The following FRMD3 variants were observed in gnomAD, a reference collection of about 807,000 sequenced individuals.
The protein encoded by FRMD3 is FERM domain containing 3, also known as FERM domain-containing protein 3.
FRMD3 carries 33 observed loss-of-function variants against 70.2 expected under a neutral mutation model. The observed-to-expected ratio is 0.47, with a 90% CI of 0.36 to 0.63. The LOEUF (loss-of-function observed/expected upper bound fraction) is 0.63. FRMD3 is among the 20% of genes least tolerant of loss of function. FRMD3 has a pLI of 0.00. For missense variants in FRMD3, 632 were observed against 711.4 expected, an observed-to-expected ratio of 0.89 and a Z score of 1.27; for synonymous variants, 279 against 255.9, an observed-to-expected ratio of 1.09 and a Z score of -0.86.
intron 2 of FRMD3, among the ~76,000 whole-genome samples, chr9:83,381,387 T>C (rs1476896789): frequency 6.6e-6 from 1 of 152,080 alleles, no homozygotes; most frequent in Non-Finnish European, 1.5e-5. Context: ...AAACCCTGTC[T>C]CTACTAAAGA....
chr9:83,397,145 C>G (rs1003584476), intron 1 of FRMD3, among the ~76,000 whole-genome samples: 4 of 152,186 alleles, frequency 2.6e-5, no homozygotes, highest in Non-Finnish European at 4.4e-5. Flanking sequence ...AATCTGGATG[C>G]TAGCTGCCCT....
chr9:83,303,497 A>T (rs1835001744), intron 10 of FRMD3, among the ~76,000 whole-genome samples: 1 of 152,242 alleles, frequency 6.6e-6, no homozygotes, highest in African/African-American at 2.4e-5. Flanking sequence ...TCTCTGATTC[A>T]GTAGATCTGG....
At chr9:83,310,871 G>A (rs1835325646) in intron 8 of FRMD3, among the ~76,000 whole-genome samples, 3 of 152,192 alleles carry the variant, frequency 2.0e-5, no homozygotes, top group Admixed American at 2.0e-4. Context: ...TAGCAAGGTG[G>A]GAAGAACGTG....
Position 83,320,233 on chromosome 9 carries a change from G to A in FRMD3, c.597-6486C>T, listed in dbSNP as rs4523339. ...AAGTGGGCATCTTTGTCTTGTTCCCGTTCTCAGAGGGAATGCTTTGAACTT... is the reference window on the plus strand; with the variant it reads ...AAGTGGGCATCTTTGTCTTGTTCCCATTCTCAGAGGGAATGCTTTGAACTT... On this transcript the variant is annotated intron_variant, in intron 6 of 13. Coordinates refer to ENST00000304195, the MANE Select transcript of FRMD3 (RefSeq NM_174938.6). 8.3e-3 allele frequency among the ~76,000 whole-genome samples: 1,259 copies of A among 152,102 alleles called. 14 individuals carry two copies. The highest frequency in any genetic ancestry group is 0.027 in the African/African-American group (1,123 of 41,484).
intron 1 of FRMD3, among the ~76,000 whole-genome samples, chr9:83,450,517 G>A (rs1404729353): frequency 1.3e-5 from 2 of 152,040 alleles, no homozygotes; most frequent in Non-Finnish European, 2.9e-5. Context: ...TCTGTTTTTA[G>A]TGTTTTCATT....
chr9:83,512,124 T>G (rs1460103998), intron 1 of FRMD3, among the ~76,000 whole-genome samples: 1 of 152,238 alleles, frequency 6.6e-6, no homozygotes, highest in Non-Finnish European at 1.5e-5. Flanking sequence ...TTCCTAGAAC[T>G]GCTTTTGAGG....
intron 1 of FRMD3, among the ~76,000 whole-genome samples, chr9:83,463,504 A>C (rs1048362117): frequency 2.0e-5 from 3 of 152,174 alleles, no homozygotes; most frequent in Non-Finnish European, 4.4e-5. Context: ...AGATCTCACG[A>C]GAACTCACTC....
intron 1 of FRMD3, among the ~76,000 whole-genome samples, chr9:83,412,706 T>C (rs901885588): frequency 2.0e-5 from 3 of 152,186 alleles, no homozygotes; most frequent in African/African-American, 7.2e-5. Flanking sequence ...CATCAAAATA[T>C]GGTCCTGGCC....
At chr9:83,525,435 A>G (rs1486425875) in intron 1 of FRMD3, among the ~76,000 whole-genome samples, 2 of 152,234 alleles carry the variant, frequency 1.3e-5, no homozygotes, top group Non-Finnish European at 2.9e-5. Context: ...CCTGAAAACT[A>G]TATACAAAAC....
chr9:83,354,856 T>A (rs75372433), intron 3 of FRMD3, among the ~76,000 whole-genome samples: 5,647 of 151,834 alleles, frequency 0.037, 347 homozygotes, highest in African/African-American at 0.13. Context: ...ATCAAACCCA[T>A]GAAGTACGTG....
At chr9:83,382,076 ATTTAT>A (rs1270412012) in intron 2 of FRMD3, among the ~76,000 whole-genome samples, 1 of 152,186 alleles carries the variant, frequency 6.6e-6, no homozygotes, top group Non-Finnish European at 1.5e-5. Flanking sequence ...ATGTATTACT[ATTTAT>A]TTTAAAGTAC....
intron 2 of FRMD3, among the ~76,000 whole-genome samples, chr9:83,375,332 A>C (rs2131263125): frequency 6.6e-6 from 1 of 152,316 alleles, no homozygotes; most frequent in Admixed American, 6.5e-5. Context: ...TAAGAAACAC[A>C]CCTTGCAGTT....
chr9:83,412,926 T>A (rs1259703297), intron 1 of FRMD3, among the ~76,000 whole-genome samples: 1 of 151,374 alleles, frequency 6.6e-6, no homozygotes, highest in Non-Finnish European at 1.5e-5. Flanking sequence ...ACCCGGGAGA[T>A]GGAGGTTGCA....
At chr9:83,349,820 C>A (rs2277175) in intron 3 of FRMD3, 63 bp from the exon 4 acceptor site, 190,737 of 1,265,510 alleles carry the variant, frequency 0.15, 15,934 homozygotes, top group East Asian at 0.36. Context: ...CAAACACACA[C>A]GGGAAAGGCA....
At chr9:83,577,738 A>G in the FRMD3 span, among the ~76,000 whole-genome samples, 1 of 152,044 alleles carries the variant, frequency 6.6e-6, no homozygotes, top group Non-Finnish European at 1.5e-5. Flanking sequence ...GCCTATACCA[A>G]ACAAGAAGAG....
At chr9:83,518,913 T>C (rs1397455549) in intron 1 of FRMD3, among the ~76,000 whole-genome samples, 4 of 152,166 alleles carry the variant, frequency 2.6e-5, no homozygotes, top group Non-Finnish European at 5.9e-5. Context: ...ATTTAATAAA[T>C]GATGTTGGGA....
At chr9:83,576,737 G>A in the FRMD3 span, among the ~76,000 whole-genome samples, 2 of 151,954 alleles carry the variant, frequency 1.3e-5, no homozygotes, top group Non-Finnish European at 2.9e-5. Context: ...CATTGTACAG[G>A]AGTTTATAGC....
chr9:83,583,480 A>G, the FRMD3 span, among the ~76,000 whole-genome samples: 3 of 152,224 alleles, frequency 2.0e-5, no homozygotes, highest in Non-Finnish European at 4.4e-5. Context: ...AGGAAAGTAC[A>G]TATTTACCAT....
At chr9:83,541,666 G>C (rs535639615), upstream of FRMD3, among the ~76,000 whole-genome samples, 1 of 152,332 alleles carries the variant, frequency 6.6e-6, no homozygotes, top group African/African-American at 2.4e-5. Flanking sequence ...TGAGAGCCTG[G>C]GCTGGCAGAA....
Sources: allele counts gnomAD v4.1 joint callset (sites outside exome capture counted in the v4.1 genomes callset), GRCh38; gene constraint gnomAD v4.1.1; transcripts MANE v1.5; gene names NCBI Gene and HGNC (gene_info 2026-07-23, HGNC 2026-07-21).